The following PDE6A variants were observed in gnomAD, a reference collection of about 807,000 sequenced individuals.
PDE6A encodes rod cGMP-specific 3',5'-cyclic phosphodiesterase subunit alpha.
Under a neutral mutation model 106.3 loss-of-function variants are expected in PDE6A, and 84 were observed. The observed-to-expected ratio is 0.79, with a 90% confidence interval of 0.66 to 0.95. PDE6A has a LOEUF of 0.95. PDE6A is among the 40% of genes least tolerant of loss of function. PDE6A has a pLI of 0.00. For synonymous variants in PDE6A, 394 were observed against 386.6 expected (o/e 1.02, Z -0.23); for missense variants, 1,052 against 1,084.9 (o/e 0.97, Z 0.43).
At chr5:149,932,392 G>A in intron 3 of PDE6A, 3 of 1,362,424 alleles carry the variant, frequency 2.2e-6, no homozygotes, top group East Asian at 4.6e-5. Context: ...CTAAGTACAC[G>A]AGGTGCTGTT....
chr5:149,916,297 G>A lies in PDE6A; in HGVS notation c.934-1290C>T, dbSNP rs184585754. On this transcript the variant is annotated intron_variant, in intron 5 of 21. Coordinates refer to ENST00000255266, the MANE Select transcript of PDE6A (RefSeq NM_000440.3). ...TGCGTTTTAATTTTGACTTTGATAA[G>A]TGCAAGAAGAAAGAGATAAAGACGG... 1.8e-3 allele frequency among the ~76,000 whole-genome samples: 273 copies of A among 152,332 alleles called. 2 individuals carry two copies. The highest frequency in any genetic ancestry group is 6.4e-3 in the African/African-American group (266 of 41,574).
chr5:149,915,031 ACTTT>A, intron 5 of PDE6A, 24 bp from the exon 6 acceptor site: 3 of 1,155,124 alleles, frequency 2.6e-6, no homozygotes, highest in South Asian at 1.7e-5. Context: ...GAAAAATTAT[ACTTT>A]TTTTTTTTTT....
chr5:149,881,705 A>G (rs1760930039), intron 17 of PDE6A, among the ~76,000 whole-genome samples: 1 of 152,158 alleles, frequency 6.6e-6, no homozygotes, highest in South Asian at 2.1e-4. Flanking sequence ...CAATATACCC[A>G]TGTAACAAAC....
rs1345842177 is a variant in PDE6A at position 149,934,656 on chromosome 5, A to G, written c.537T>C (p.Ala179=). The part of the protein sequence containing the change: ...LTEYKTKNIL[A]SPIMNGKDVV... ...CATCCTTCCCATTCATTATGGGGGA[A>G]GCCAAGATGTTCTTGGTCTTGTACT... Residue 179 remains alanine (A), a synonymous_variant, in exon 2 of 22, where the codon GCT becomes GCC. Transcript: ENST00000255266. 6.2e-7 allele frequency: 1 copy of G among 1,613,832 alleles called. No homozygotes were observed. Among genetic ancestry groups the G allele is most frequent in the Non-Finnish European group, 8.5e-7 (1 of 1,179,674 alleles).
chr5:149,882,261 C>A (rs556315024), intron 17 of PDE6A, among the ~76,000 whole-genome samples: 16 of 151,984 alleles, frequency 1.1e-4, no homozygotes, highest in South Asian at 4.1e-4. Flanking sequence ...TGCTGCCCCC[C>A]CCGTTTCCGG....
chr5:149,909,162 G>A (rs1392948293), intron 6 of PDE6A, among the ~76,000 whole-genome samples: 2 of 151,818 alleles, frequency 1.3e-5, no homozygotes, highest in Admixed American at 1.3e-4. Flanking sequence ...CACCTGGCTA[G>A]GTTTTTTGTT....
intron 4 of PDE6A, among the ~76,000 whole-genome samples, chr5:149,928,209 C>CTATATATATATATATATATATA (rs1213238607): frequency 6.7e-5 from 3 of 44,554 alleles, no homozygotes; most frequent in East Asian, 4.1e-4. Context: ...ATTGTATGTG[C>CTATATATATATATATATATATA]TATATATATA....
At chr5:149,933,909 C>A (rs1270235577) in intron 3 of PDE6A, 21 bp downstream of exon 3, 2 of 1,582,070 alleles carry the variant, frequency 1.3e-6, no homozygotes, top group East Asian at 4.5e-5. Context: ...CAAGTCCATT[C>A]CCTTGGCCCA....
In PDE6A at chr5:149,894,629, A is replaced by ATTTTTTT. The variant is rs10657525; in HGVS notation, c.1728+547_1728+553dup. ...TAACCATGACCAATTGAACTGTTGA[A>ATTTTTTT]TTTTTTTTTTTTTTTTTTTTTGAGA... On this transcript the variant is annotated intron_variant, in intron 13 of 21. Coordinates refer to ENST00000255266, the MANE Select transcript of PDE6A (RefSeq NM_000440.3). Among the ~76,000 whole-genome samples the ATTTTTTT allele has an allele frequency of 1.6e-3, 180 of 113,024 alleles. 7 individuals carry two copies. Among genetic ancestry groups the ATTTTTTT allele is most frequent in the South Asian group, 8.1e-3 (27 of 3,330 alleles). The allele number at this position is 113,024 out of a possible 152,430, so 74.1% of individuals were successfully genotyped here.
intron 17 of PDE6A, among the ~76,000 whole-genome samples, chr5:149,882,201 T>G (rs1480887751): frequency 6.6e-6 from 1 of 151,980 alleles, no homozygotes; most frequent in African/African-American, 2.4e-5. Flanking sequence ...AGGGGACCTT[T>G]GTGGGAGGCC....
intron 17 of PDE6A, among the ~76,000 whole-genome samples, chr5:149,878,326 A>G (rs1282164513): frequency 6.6e-6 from 1 of 152,128 alleles, no homozygotes; most frequent in African/African-American, 2.4e-5. Flanking sequence ...TTAAAATTAA[A>G]CATAATTCCT....
intron 5 of PDE6A, among the ~76,000 whole-genome samples, chr5:149,918,135 A>G (rs1255085658): frequency 6.6e-6 from 1 of 152,250 alleles, no homozygotes; most frequent in Admixed American, 6.5e-5. Flanking sequence ...TATTTGACCC[A>G]CATGTGGTGA....
In PDE6A at chr5:149,895,187, A is replaced by G. The variant is rs759537984; in HGVS notation, c.1724T>C (p.Leu575Pro). ...GCCCCACCGGCCCCGCCATACCACC[A>G]GCAGGGAGAACATGGTCTGCCCCAC... is the stretch of plus-strand genomic sequence containing the variant. The part of the protein sequence containing the change: ...FNVGQTMFSL[L>P]VTGKLKRYFT... Residue 575 changes from leucine to proline, a missense_variant, in exon 13 of 22, where the codon CTG (leucine) becomes CCG (proline). Physicochemically the swap from Leu to Pro is moderately conservative, Grantham distance 98 (BLOSUM62 -3). Around this residue, in one of 3 missense-constraint regions of PDE6A, gnomAD observed 913 missense variants for 915.2 expected, o/e 1.00. Transcript: ENST00000255266. The G allele has an allele frequency of 6.2e-7, 1 of 1,608,804 alleles. No individual in the cohort carries two copies. The highest frequency in any genetic ancestry group is 1.3e-5 in the African/African-American group (1 of 74,958).
At chr5:149,900,341 AACAG>A (rs1387591434) in intron 8 of PDE6A, among the ~76,000 whole-genome samples, 1 of 143,586 alleles carries the variant, frequency 7.0e-6, no homozygotes, top group Non-Finnish European at 1.5e-5. Flanking sequence ...CAGCCTGGGC[AACAG>A]ACAGAGACTC....
At chr5:149,891,299 G>A (rs138655704) in intron 13 of PDE6A, among the ~76,000 whole-genome samples, 11,689 of 152,048 alleles carry the variant, frequency 0.077, 495 homozygotes, top group South Asian at 0.18. Context: ...ATGAAACCCC[G>A]TCTCTACAAA....
At chr5:149,901,271 G>A (rs943314075) in intron 8 of PDE6A, among the ~76,000 whole-genome samples, 6 of 152,284 alleles carry the variant, frequency 3.9e-5, no homozygotes, top group Admixed American at 3.3e-4. Flanking sequence ...GCTCACGCCT[G>A]TAATCCCAGC....
At chr5:149,937,526 TAC>T (rs1047377825) in intron 1 of PDE6A, among the ~76,000 whole-genome samples, 6 of 152,122 alleles carry the variant, frequency 3.9e-5, no homozygotes, top group South Asian at 2.1e-4. Context: ...AACAGGGGCG[TAC>T]CACCATGCCC....
chr5:149,896,565 G>T, intron 11 of PDE6A, 63 bp from the exon 12 acceptor site: 2 of 1,613,868 alleles, frequency 1.2e-6, no homozygotes, highest in South Asian at 2.2e-5. Context: ...CCCACCTCCT[G>T]TCCAGCCCTG....
chr5:149,876,089 G>A (rs1760729010), intron 17 of PDE6A, among the ~76,000 whole-genome samples: 1 of 151,982 alleles, frequency 6.6e-6, no homozygotes, highest in South Asian at 2.1e-4. Context: ...TTGAAATTAT[G>A]TAATTAAAAT....
Sources: allele counts gnomAD v4.1 joint callset (sites outside exome capture counted in the v4.1 genomes callset), GRCh38; gene constraint gnomAD v4.1.1; regional missense constraint gnomAD v4.1.1; transcripts MANE v1.5; gene names NCBI Gene and HGNC (gene_info 2026-07-23, HGNC 2026-07-21).